Variants in BLK observed in about 807,000 individuals in gnomAD.
The protein encoded by BLK is tyrosine-protein kinase Blk.
A neutral mutation model predicts 61.8 loss-of-function variants in BLK; 64 were observed. That is an observed-to-expected ratio of 1.03 (90% CI 0.85 to 1.27). BLK has a LOEUF of 1.27. BLK is among the 50% of genes most tolerant of loss of function. The pLI, the probability that BLK is intolerant of heterozygous loss-of-function variation, is 0.00. For synonymous variants in BLK, 351 were observed against 272.0 expected, an observed-to-expected ratio of 1.29 and a Z score of -2.86; for missense variants, 853 against 660.5, an observed-to-expected ratio of 1.29 and a Z score of -3.19.
chr8:11,519,105 A>G (rs548445685), intron 1 of BLK, among the ~76,000 whole-genome samples: 9 of 152,224 alleles, frequency 5.9e-5, no homozygotes, highest in Non-Finnish European at 1.2e-4. Context: ...CCCTGCATCA[A>G]CTAGAATATG....
At chr8:11,534,849 G>T (rs1437758001) in intron 1 of BLK, among the ~76,000 whole-genome samples, 1 of 152,152 alleles carries the variant, frequency 6.6e-6, no homozygotes, top group Non-Finnish European at 1.5e-5. Flanking sequence ...GCTAGTGCTG[G>T]GAAAAGATTC....
rs577680714 is a variant in BLK, at chr8:11,534,032, C to G, written c.-1-9192C>G. Among the ~76,000 whole-genome samples the G allele has an allele frequency of 1.9e-3, 293 of 152,306 alleles. 1 individual carries two copies. The highest frequency in any genetic ancestry group is 3.1e-3 in the Non-Finnish European group (214 of 68,030). ...AAGAAAGGGTCTCCATGAAGTGGAG[C>G]TCATGACCTGCCTGCATCAGCATCA... On this transcript the variant is annotated intron_variant, in intron 1 of 12. Transcript: ENST00000259089.
At chr8:11,522,066 T>A (rs186681232) in intron 1 of BLK, among the ~76,000 whole-genome samples, 99 of 152,372 alleles carry the variant, frequency 6.5e-4, no homozygotes, top group African/African-American at 2.3e-3. Flanking sequence ...CCATCTTTCC[T>A]TCTGTTTAAG....
intron 1 of BLK, among the ~76,000 whole-genome samples, chr8:11,528,220 A>T (rs1799747516): frequency 6.6e-6 from 1 of 152,028 alleles, no homozygotes; most frequent in Non-Finnish European, 1.5e-5. Context: ...TATTTTTTGT[A>T]GAGATGGAGT....
rs1458788865 is a variant in BLK, at chr8:11,550,142, T to G, written c.369-17T>G. The G allele has an allele frequency of 9.3e-6, 15 of 1,611,438 alleles. No individual in the cohort carries two copies. Among genetic ancestry groups the G allele is most frequent in the Non-Finnish European group, 1.3e-5 (15 of 1,177,738 alleles). The stretch of plus-strand genomic sequence containing the variant: ...GCAGGGTCGCTCTGAGTTTCACCTG[T>G]TCCTGCCGTTTTCCAGGTGGTTCTT... On this transcript the variant is annotated splice_polypyrimidine_tract_variant and intron_variant, in intron 5 of 12. Coordinates refer to ENST00000259089, the MANE Select transcript of BLK (RefSeq NM_001715.3).
At chr8:11,517,818 A>G (rs371736947) in intron 1 of BLK, among the ~76,000 whole-genome samples, 8 of 152,162 alleles carry the variant, frequency 5.3e-5, no homozygotes, top group African/African-American at 1.7e-4. Flanking sequence ...TGTCACAGGG[A>G]GAAAGTCTAT....
chr8:11,543,214 T>A lies in BLK; in HGVS notation c.-1-10T>A, dbSNP rs1309710162. The stretch of plus-strand genomic sequence containing the variant: ...TCTCATGTCCTCTGTCTGCTGTGTG[T>A]CTCCGACAGGATGGGGCTGGTAAGT... On this transcript the variant is annotated splice_polypyrimidine_tract_variant and intron_variant, in intron 1 of 12. Coordinates refer to ENST00000259089, the MANE Select transcript of BLK (RefSeq NM_001715.3). The A allele has an allele frequency of 1.2e-6, 2 of 1,613,716 alleles. No individual in the cohort carries two copies. The highest frequency in any genetic ancestry group is 1.7e-5 in the Admixed American group (1 of 60,012).
rs1350391982 is a variant in BLK, at chr8:11,554,914, C to A, written c.619+25C>A. 5 of 1,608,734 alleles carry A rather than the reference C, an allele frequency of 3.1e-6. No individual in the cohort carries two copies. The South Asian group carries it at 5.5e-5, about 18-fold the overall frequency. On this transcript the variant is annotated intron_variant, in intron 7 of 12. Coordinates refer to ENST00000259089, the MANE Select transcript of BLK (RefSeq NM_001715.3). ...AGTAAGAGGGGGCGTGCAATGGGGG[C>A]AGGGACTTGTGCCAAGAGCCCCTGG... is the stretch of plus-strand genomic sequence containing the variant.
chr8:11,559,951 C>T, intron 10 of BLK: 1 of 396,326 alleles, frequency 2.5e-6, no homozygotes, highest in South Asian at 1.9e-5. Flanking sequence ...CTGGGCCCTA[C>T]TCAACATTTT....
At chr8:11,549,747 A>G (rs879461522) in intron 5 of BLK, among the ~76,000 whole-genome samples, 2 of 152,224 alleles carry the variant, frequency 1.3e-5, no homozygotes, top group African/African-American at 2.4e-5. Flanking sequence ...GAACAACCCC[A>G]TACCGAAGGG....
In BLK at chr8:11,548,143, C is replaced by T. The variant is rs369967336; in HGVS notation, c.269+18C>T. ...CTGAAGGGGTGAGGTTCCAGGACAC[C>T]ATCCCCTGTCCCTGCAGGACCCCCC... On this transcript the variant is annotated intron_variant, in intron 4 of 12. Transcript: ENST00000259089. 1.9e-6 allele frequency: 3 copies of T among 1,595,772 alleles called. No individual in the cohort carries two copies. Among genetic ancestry groups the T allele is most frequent in the African/African-American group, 1.3e-5 (1 of 74,402 alleles).
At chr8:11,549,405 G>T (rs1478390707) in intron 5 of BLK, among the ~76,000 whole-genome samples, 2 of 152,196 alleles carry the variant, frequency 1.3e-5, no homozygotes, top group Non-Finnish European at 2.9e-5. Context: ...TGATGGCCTC[G>T]AAGGCTACCA....
rs544614408 is a variant in BLK at position 11,514,488 on chromosome 8, G to A, written c.-2+19897G>A. ...GTCTCAGAAGCCTTGTAAGAGCACAGTGGAGGACCCTTCTTGCACGCTGAG... is the reference window on the plus strand; with the variant it reads ...GTCTCAGAAGCCTTGTAAGAGCACAATGGAGGACCCTTCTTGCACGCTGAG... On this transcript the variant is annotated intron_variant, in intron 1 of 12. Coordinates refer to ENST00000259089, the MANE Select transcript of BLK (RefSeq NM_001715.3). Among the ~76,000 whole-genome samples the A allele has an allele frequency of 2.0e-5, 3 of 152,386 alleles. No individual in the cohort carries two copies. In the South Asian group the frequency reaches 6.2e-4, roughly 32 times the overall value.
chr8:11,561,066 G>T (rs560525409), intron 10 of BLK: 56 of 684,214 alleles, frequency 8.2e-5, no homozygotes, highest in South Asian at 6.9e-4. Flanking sequence ...AGAACGAGGA[G>T]GGGGAGGGGC....
rs139325923 is a variant in BLK, at chr8:11,513,123, C to G, written c.-2+18532C>G. Among the ~76,000 whole-genome samples, 1,057 of 152,258 alleles carry G rather than the reference C, an allele frequency of 6.9e-3. 27 individuals carry two copies. The highest frequency in any genetic ancestry group is 0.012 in the South Asian group (60 of 4,822). On this transcript the variant is annotated intron_variant, in intron 1 of 12. Coordinates refer to ENST00000259089, the MANE Select transcript of BLK (RefSeq NM_001715.3). ...CTTGTTTTATCCTCCTACGAGATCC[C>G]TACTGTCCATGCCCACGGCCTAGAT...
At chr8:11,498,568 G>T (rs1407150429) in intron 1 of BLK, among the ~76,000 whole-genome samples, 1 of 152,174 alleles carries the variant, frequency 6.6e-6, no homozygotes, top group African/African-American at 2.4e-5. Context: ...GTCAGACAAA[G>T]CAGCCACATC....
At chr8:11,520,822 G>A (rs1057397434) in intron 1 of BLK, among the ~76,000 whole-genome samples, 1 of 152,102 alleles carries the variant, frequency 6.6e-6, no homozygotes, top group Non-Finnish European at 1.5e-5. Flanking sequence ...AGCTATTAGA[G>A]CTAATAAGAG....
chr8:11,564,012 C>G lies in BLK; in HGVS notation c.1422C>G (p.Arg474=). The stretch of plus-strand genomic sequence containing the variant: ...GCGGCGTCATCGCCGAGTGCTGGCG[C>G]AGCCGGCCCGAGGAGCGGCCCACCT... ...LYRGVIAECW[R]SRPEERPTFE... The change falls in exon 13 of 13, where the codon CGC becomes CGG. Residue 474 remains arginine (R), a synonymous_variant. Coordinates refer to ENST00000259089, the MANE Select transcript of BLK (RefSeq NM_001715.3). 1 of 1,605,362 alleles carries G rather than the reference C, an allele frequency of 6.2e-7. No individual in the cohort carries two copies. The highest frequency in any genetic ancestry group is 8.5e-7 in the Non-Finnish European group (1 of 1,179,108).
intron 1 of BLK, among the ~76,000 whole-genome samples, chr8:11,535,578 A>T (rs181780907): frequency 2.0e-5 from 3 of 152,306 alleles, no homozygotes; most frequent in African/African-American, 7.2e-5. Flanking sequence ...ACTCCCAACT[A>T]ACAAGTGTGG....
Sources: gnomAD v4.1 joint callset for allele counts (sites outside exome capture counted in the v4.1 genomes callset) on GRCh38, gnomAD v4.1.1 for gene constraint, MANE v1.5 for transcripts, NCBI Gene and HGNC (gene_info 2026-07-23, HGNC 2026-07-21) for gene names.